ESYT2: variants seen among roughly 807,000 people sequenced by gnomAD.
The protein encoded by ESYT2 is extended synaptotagmin 2.
Under a neutral mutation model 107.2 loss-of-function variants are expected in ESYT2, and 54 were observed. The ratio of observed to expected loss-of-function variants is 0.50; its 90% confidence interval spans 0.40 to 0.63. ESYT2 has a LOEUF of 0.63. Among genes scored for constraint, ESYT2 ranks in the 30% least tolerant of loss-of-function variants. The pLI, the probability that ESYT2 is intolerant of heterozygous loss-of-function variation, is 0.00. For synonymous variants in ESYT2, 491 were observed against 434.1 expected (o/e 1.13, Z -1.63); for missense variants, 1,020 against 1,094.5 (o/e 0.93, Z 0.96).
intron 1 of ESYT2, among the ~76,000 whole-genome samples, chr7:158,828,616 C>T (rs998630709): frequency 6.6e-6 from 1 of 152,178 alleles, no homozygotes; most frequent in African/African-American, 2.4e-5. Flanking sequence ...GACCCGGAGC[C>T]TGGGCGGGCG....
intron 11 of ESYT2, among the ~76,000 whole-genome samples, chr7:158,760,460 T>A (rs1444267901): frequency 1.3e-5 from 2 of 152,218 alleles, no homozygotes; most frequent in Non-Finnish European, 2.9e-5. Context: ...AGAATTCAAA[T>A]GTTTTCTAGC....
intron 11 of ESYT2, among the ~76,000 whole-genome samples, chr7:158,760,507 T>G (rs113038772): frequency 0.021 from 3,179 of 152,096 alleles, 109 homozygotes; most frequent in African/African-American, 0.071. Flanking sequence ...ATGAATAGAC[T>G]TCTTTTTTTT....
At chr7:158,792,736 A>C (rs1268613418) in intron 4 of ESYT2, among the ~76,000 whole-genome samples, 1 of 145,788 alleles carries the variant, frequency 6.9e-6, no homozygotes, top group East Asian at 2.0e-4. Flanking sequence ...AAAAGCTTTC[A>C]GTTTTTAACC....
intron 1 of ESYT2, among the ~76,000 whole-genome samples, chr7:158,825,758 C>T (rs987191138): frequency 2.3e-4 from 35 of 152,312 alleles, no homozygotes; most frequent in African/African-American, 8.2e-4. Context: ...GCCATGAATT[C>T]ACGGTTGTCA....
rs1838089745 is a variant in ESYT2, at chr7:158,764,702, C to T, written c.1076G>A (p.Ser359Asn). The change falls in exon 9 of 23, where the codon AGT becomes AAT. Residue 359 changes from serine to asparagine, a missense_variant. By Grantham distance (46) the Ser-to-Asn change is conservative. Transcript: ENST00000275418. ...FQSRVIKENL[S>N]PKWNEVYEAL... ...CTCATAGACTTCATTCCACTTTGGA[C>T]TGAGGTTCTCCTTGATGACTCTGCT... 6.2e-7 allele frequency: 1 copy of T among 1,614,030 alleles called. No individual in the cohort carries two copies. The highest frequency in any genetic ancestry group is 1.3e-5 in the African/African-American group (1 of 74,924).
At position 158,819,158 on chromosome 7, in the gene ESYT2, G is replaced by C. The variant is rs540838142; in HGVS notation, c.330+9931C>G. Among the ~76,000 whole-genome samples, 174 of 152,326 alleles carry C rather than the reference G, an allele frequency of 1.1e-3. 1 individual carries two copies. The highest frequency in any genetic ancestry group is 4.0e-3 in the African/African-American group (165 of 41,568). On this transcript the variant is annotated intron_variant, in intron 1 of 22. Transcript: ENST00000275418. The stretch of plus-strand genomic sequence containing the variant: ...ATGGAGGGAATGCTTTCTTCCAAAG[G>C]TTATTCAGACAAAAAGAGATAGGGA...
At chr7:158,791,000 G>A (rs527701176) in intron 4 of ESYT2, among the ~76,000 whole-genome samples, 1 of 152,074 alleles carries the variant, frequency 6.6e-6, no homozygotes, top group Non-Finnish European at 1.5e-5. Context: ...ACAACTCAGT[G>A]GTACTAAACA....
intron 7 of ESYT2, among the ~76,000 whole-genome samples, chr7:158,769,775 A>G (rs1442495113): frequency 1.3e-5 from 2 of 152,218 alleles, no homozygotes; most frequent in African/African-American, 4.8e-5. Flanking sequence ...GTTATGGTGT[A>G]GTGAAGGAAT....
At chr7:158,780,672 T>C (rs115529582) in intron 6 of ESYT2, among the ~76,000 whole-genome samples, 1,954 of 152,300 alleles carry the variant, frequency 0.013, 36 homozygotes, top group African/African-American at 0.044. Flanking sequence ...AAGACTGAGA[T>C]ACATTTAAGT....
At chr7:158,739,669 G>T (rs1391541828) in intron 18 of ESYT2, among the ~76,000 whole-genome samples, 1 of 152,052 alleles carries the variant, frequency 6.6e-6, no homozygotes, top group Non-Finnish European at 1.5e-5. Context: ...TTTTAGTTAG[G>T]GTCCTGAAAA....
chr7:158,793,119 G>A (rs1341527589), intron 4 of ESYT2, among the ~76,000 whole-genome samples: 3 of 152,114 alleles, frequency 2.0e-5, no homozygotes, highest in Non-Finnish European at 4.4e-5. Context: ...ATTATGTTGA[G>A]TTAGTTTCCT....
At chr7:158,760,244 C>G (rs1267314073) in intron 11 of ESYT2, 97 bp from the exon 12 acceptor site, 1 of 1,056,092 alleles carries the variant, frequency 9.5e-7, no homozygotes, top group African/African-American at 1.6e-5. Context: ...TGCTCACTAA[C>G]CACGAGGCAT....
At chr7:158,820,678 G>A (rs1408849619) in intron 1 of ESYT2, among the ~76,000 whole-genome samples, 1 of 152,152 alleles carries the variant, frequency 6.6e-6, no homozygotes, top group African/African-American at 2.4e-5. Context: ...CCAAGCTACT[G>A]GGGAGGCTGA....
intron 17 of ESYT2, 152 bp from the exon 18 acceptor site, chr7:158,742,048 A>C: frequency 1.2e-6 from 1 of 803,760 alleles, no homozygotes; most frequent in Non-Finnish European, 1.9e-6. Flanking sequence ...GGTAACCAAA[A>C]TGTCACTTCT....
intron 6 of ESYT2, among the ~76,000 whole-genome samples, chr7:158,779,319 T>C (rs1838687875): frequency 6.6e-6 from 1 of 152,196 alleles, no homozygotes; most frequent in African/African-American, 2.4e-5. Context: ...TGTAGTAGTG[T>C]GCTCCACTCT....
intron 3 of ESYT2, among the ~76,000 whole-genome samples, chr7:158,796,837 C>A (rs551819292): frequency 6.6e-6 from 1 of 151,418 alleles, no homozygotes; most frequent in East Asian, 2.0e-4. Flanking sequence ...GGCGAGAGGG[C>A]AACAAGACAG....
At chr7:158,826,395 T>C (rs1840445592) in intron 1 of ESYT2, among the ~76,000 whole-genome samples, 1 of 152,152 alleles carries the variant, frequency 6.6e-6, no homozygotes, top group Non-Finnish European at 1.5e-5. Context: ...AAATTTGGAA[T>C]AAACAAGTAA....
chr7:158,744,008 C>T (rs544810576), intron 16 of ESYT2: 5 of 213,470 alleles, frequency 2.3e-5, no homozygotes, highest in Non-Finnish European at 4.6e-5. Flanking sequence ...TGGGAGGAGG[C>T]GGCTGCAGTG....
intron 19 of ESYT2, among the ~76,000 whole-genome samples, chr7:158,737,466 C>T (rs536641075): frequency 2.0e-5 from 3 of 152,154 alleles, no homozygotes; most frequent in African/African-American, 4.8e-5. Flanking sequence ...AACAGAGTGA[C>T]GGTTGTCTTT....
Sources: gnomAD v4.1 joint callset for allele counts (sites outside exome capture counted in the v4.1 genomes callset) on GRCh38, gnomAD v4.1.1 for gene constraint, MANE v1.5 for transcripts, NCBI Gene and HGNC (gene_info 2026-07-23, HGNC 2026-07-21) for gene names.